The following MAP2K1 variants were observed in gnomAD, a reference collection of about 807,000 sequenced individuals.
MAP2K1 encodes the protein dual specificity mitogen-activated protein kinase kinase 1.
In MAP2K1, 16 loss-of-function variants were observed where a neutral mutation model predicts 46.3. That is an observed-to-expected ratio of 0.35 (90% confidence interval 0.23 to 0.52). The LOEUF (loss-of-function observed/expected upper bound fraction) is 0.52, where lower values mean the gene tolerates loss of function less well. Among genes scored for constraint, MAP2K1 ranks in the 20% least tolerant of loss-of-function variants. The pLI is 0.94. For synonymous variants in MAP2K1, 183 were observed against 185.6 expected (o/e 0.99, Z 0.11); for missense variants, 263 against 497.1 (o/e 0.53, Z 4.48).
intron 1 of MAP2K1, among the ~76,000 whole-genome samples, chr15:66,399,587 C>T (rs537211710): frequency 3.9e-5 from 6 of 152,146 alleles, no homozygotes; most frequent in Admixed American, 1.3e-4. Context: ...TCCCAGTACC[C>T]GGGACTATAG....
chr15:66,413,612 T>C (rs748330796), intron 1 of MAP2K1, among the ~76,000 whole-genome samples: 2 of 124,738 alleles, frequency 1.6e-5, no homozygotes, highest in Non-Finnish European at 3.3e-5. Flanking sequence ...CATCCATTTC[T>C]GTATTGTAGG....
chr15:66,439,935 CAAA>C (rs36081187), intron 3 of MAP2K1, among the ~76,000 whole-genome samples: 5 of 115,794 alleles, frequency 4.3e-5, no homozygotes, highest in Admixed American at 9.0e-5. Flanking sequence ...AACTCCATCT[CAAA>C]AAAAAAAAAA....
intron 5 of MAP2K1, among the ~76,000 whole-genome samples, chr15:66,465,551 T>C (rs1240093557): frequency 6.6e-6 from 1 of 152,292 alleles, no homozygotes; most frequent in Non-Finnish European, 1.5e-5. Context: ...GGCTGTCTGC[T>C]TGTAGATTTC....
rs776941883 is a variant in MAP2K1, at chr15:66,489,223, A to G, written c.969A>G (p.Pro323=). The change falls in exon 9 of 11, where the codon CCA becomes CCG. Residue 323 remains proline, a synonymous_variant. Transcript: ENST00000307102. ...LLDYIVNEPP[P]KLPSGVFSLE... ...TCAACATGTGTTTGCAGCCTCCTCC[A>G]AAACTGCCCAGTGGAGTGTTCAGTC... is the stretch of plus-strand genomic sequence containing the variant. 2.5e-6 allele frequency: 4 copies of G among 1,614,070 alleles called. No homozygotes were observed. The highest frequency in any genetic ancestry group is 3.4e-6 in the Non-Finnish European group (4 of 1,179,920).
chr15:66,462,090 C>T (rs1330507563), intron 5 of MAP2K1, among the ~76,000 whole-genome samples: 1 of 152,160 alleles, frequency 6.6e-6, no homozygotes, highest in African/African-American at 2.4e-5. Context: ...AAAAGCAAGA[C>T]TGTACTTTAC....
chr15:66,407,310 C>G (rs1039290144), intron 1 of MAP2K1, among the ~76,000 whole-genome samples: 2 of 151,958 alleles, frequency 1.3e-5, no homozygotes, highest in Non-Finnish European at 2.9e-5. Flanking sequence ...TTGAATATTT[C>G]TGCCCCCACA....
At chr15:66,430,305 C>CGGT (rs2093472081) in intron 1 of MAP2K1, among the ~76,000 whole-genome samples, 3 of 152,124 alleles carry the variant, frequency 2.0e-5, no homozygotes, top group Admixed American at 2.0e-4. Flanking sequence ...GGTAAGAACA[C>CGGT]CCACCTGCAC....
chr15:66,439,929 C>G (rs1167849892), intron 3 of MAP2K1, among the ~76,000 whole-genome samples: 1 of 127,846 alleles, frequency 7.8e-6, no homozygotes, highest in Non-Finnish European at 1.7e-5. Flanking sequence ...GAGCAAAACT[C>G]CATCTCAAAA....
chr15:66,431,916 G>C (rs2093475920), intron 1 of MAP2K1, among the ~76,000 whole-genome samples: 2 of 152,088 alleles, frequency 1.3e-5, no homozygotes, highest in Non-Finnish European at 2.9e-5. Flanking sequence ...TCACCATTCA[G>C]TTCCCACTTA....
At chr15:66,436,645 C>G (rs2093488774) in intron 2 of MAP2K1, 101 bp from the exon 3 acceptor site, 2 of 1,163,396 alleles carry the variant, frequency 1.7e-6, no homozygotes, top group Non-Finnish European at 2.6e-6. Flanking sequence ...TGTTTCTCCT[C>G]CCTCTACCTT....
At chr15:66,403,372 G>T (rs1353511139) in intron 1 of MAP2K1, among the ~76,000 whole-genome samples, 1 of 152,162 alleles carries the variant, frequency 6.6e-6, no homozygotes, top group African/African-American at 2.4e-5. Context: ...ATAAAGAAAA[G>T]TTGTGGGGTT....
chr15:66,481,112 C>G (rs1302131949), intron 5 of MAP2K1, among the ~76,000 whole-genome samples: 1 of 152,054 alleles, frequency 6.6e-6, no homozygotes, highest in African/African-American at 2.4e-5. Flanking sequence ...CTCTCACATT[C>G]CAGCTCCAGG....
In MAP2K1 at chr15:66,423,211, C is replaced by T. The variant is rs75827744; in HGVS notation, c.81-11816C>T. 9.8e-3 allele frequency among the ~76,000 whole-genome samples: 1,496 copies of T among 152,250 alleles called. 55 individuals are homozygous for T. The highest frequency in any genetic ancestry group is 0.062 in the Admixed American group (942 of 15,284). On this transcript the variant is annotated intron_variant, in intron 1 of 10. Coordinates refer to ENST00000307102, the MANE Select transcript of MAP2K1 (RefSeq NM_002755.4). Reference sequence around the variant, plus strand: ...CTCTGATGCCACGTTTTTAAAATTTCTAGCATTTTAATTTGATTCTATTTT... The same window carrying T: ...CTCTGATGCCACGTTTTTAAAATTTTTAGCATTTTAATTTGATTCTATTTT...
At chr15:66,447,330 G>T (rs1361338925) in intron 5 of MAP2K1, among the ~76,000 whole-genome samples, 1 of 151,920 alleles carries the variant, frequency 6.6e-6, no homozygotes, top group Non-Finnish European at 1.5e-5. Context: ...GACAGTGTTT[G>T]CAAGTGTTGG....
chr15:66,478,073 C>T (rs576320752), intron 5 of MAP2K1, among the ~76,000 whole-genome samples: 1 of 151,916 alleles, frequency 6.6e-6, no homozygotes. Flanking sequence ...GCTCGCCCCT[C>T]TCCTCCCGAA....
intron 3 of MAP2K1, among the ~76,000 whole-genome samples, chr15:66,440,821 A>G (rs1365425055): frequency 2.0e-5 from 3 of 152,192 alleles, no homozygotes; most frequent in African/African-American, 7.2e-5. Context: ...AGAAAGTTGT[A>G]TGGTTAGTTG....
intron 5 of MAP2K1, among the ~76,000 whole-genome samples, chr15:66,477,213 G>GT (rs1186265470): frequency 6.6e-6 from 1 of 152,192 alleles, no homozygotes; most frequent in Non-Finnish European, 1.5e-5. Context: ...GCTGTGTTAT[G>GT]TAAGTTTGAA....
chr15:66,411,686 T>C lies in MAP2K1; in HGVS notation c.81-23341T>C, dbSNP rs149482002. ...TTTTGATCATTGGTGTATTCTTCAG[T>C]GCGCTTTCAAGATTCACAGTGAATG... is the stretch of plus-strand genomic sequence containing the variant. On this transcript the variant is annotated intron_variant, in intron 1 of 10. Transcript: ENST00000307102. Among the ~76,000 whole-genome samples the C allele has an allele frequency of 1.1e-4, 17 of 152,376 alleles. No homozygotes were observed. The East Asian group carries it at 3.3e-3, about 29-fold the overall frequency.
intron 1 of MAP2K1, among the ~76,000 whole-genome samples, chr15:66,416,447 C>T (rs1439001501): frequency 6.6e-6 from 1 of 151,978 alleles, no homozygotes; most frequent in East Asian, 1.9e-4. Flanking sequence ...CTCTAGTATA[C>T]ATAGTGCTTG....
Sources: gnomAD v4.1 joint callset for allele counts (sites outside exome capture counted in the v4.1 genomes callset) on GRCh38, gnomAD v4.1.1 for gene constraint, MANE v1.5 for transcripts, NCBI Gene and HGNC (gene_info 2026-07-23, HGNC 2026-07-21) for gene names.